The following KIF5C variants were observed in gnomAD, a reference collection of about 807,000 sequenced individuals.
KIF5C encodes kinesin heavy chain isoform 5C.
KIF5C carries 18 observed loss-of-function variants against 125.2 expected under a neutral mutation model. That is an observed-to-expected ratio of 0.14 (90% CI 0.10 to 0.21). The LOEUF (loss-of-function observed/expected upper bound fraction) is 0.21, where lower values mean the gene tolerates loss of function less well. Among genes scored for constraint, KIF5C ranks in the 10% least tolerant of loss-of-function variants. KIF5C has a pLI of 1.00. For synonymous variants in KIF5C, 405 were observed against 434.0 expected (o/e 0.93, Z 0.83); for missense variants, 780 against 1,183.8 (o/e 0.66, Z 5.01).
chr2:148,875,575 G>GGGCCCCCCCCCCCCCCCCCCCC lies in KIF5C; in HGVS notation c.-43_-42insGGCCCCCCCCCCCCCCCCCCCC. The GGGCCCCCCCCCCCCCCCCCCCC allele has an allele frequency of 1.3e-5, 9 of 699,592 alleles. No individual in the cohort carries two copies. The highest frequency in any genetic ancestry group is 3.0e-5 in the East Asian group (1 of 33,464). The allele number at this position is 699,592 out of a possible 1,614,324, so 43.3% of individuals were successfully genotyped here. ...TCCTCCCTCGTCGTTCCCGGCCCCG[G>GGGCCCCCCCCCCCCCCCCCCCC]CCCCCCACCCATCCCCGTGCCCCCT... On this transcript the variant is annotated 5_prime_UTR_variant, in exon 1 of 26. Coordinates refer to ENST00000435030, the MANE Select transcript of KIF5C (RefSeq NM_004522.3).
Position 148,934,727 on chromosome 2 carries a change from C to T in KIF5C, c.292-2557C>T, listed in dbSNP as rs141042005. On this transcript the variant is annotated intron_variant, in intron 3 of 25. Transcript: ENST00000435030. ...TATAGCACATACCTGCACACATTCC[C>T]TACGTCCATCTCACACACATATAAC... 3.2e-3 allele frequency among the ~76,000 whole-genome samples: 489 copies of T among 152,110 alleles called. 1 individual carries two copies. Among genetic ancestry groups the T allele is most frequent in the Non-Finnish European group, 5.3e-3 (363 of 67,994 alleles).
intron 12 of KIF5C, among the ~76,000 whole-genome samples, chr2:148,975,671 C>T (rs1681041962): frequency 6.6e-6 from 1 of 152,196 alleles, no homozygotes; most frequent in Non-Finnish European, 1.5e-5. Context: ...CGCCAGGGCT[C>T]CAAGCACAGG....
intron 1 of KIF5C, among the ~76,000 whole-genome samples, chr2:148,919,026 T>G (rs1193110965): frequency 1.3e-5 from 2 of 152,196 alleles, no homozygotes; most frequent in Non-Finnish European, 2.9e-5. Context: ...TCTGAGTAAC[T>G]AGGTGATTGG....
At chr2:148,959,655 C>T (rs985352549) in intron 10 of KIF5C, among the ~76,000 whole-genome samples, 2 of 152,172 alleles carry the variant, frequency 1.3e-5, no homozygotes, top group Non-Finnish European at 2.9e-5. Flanking sequence ...GCATCTTTAG[C>T]TACTCCTCTG....
At chr2:148,930,177 C>G (rs541608423) in intron 3 of KIF5C, among the ~76,000 whole-genome samples, 1 of 152,284 alleles carries the variant, frequency 6.6e-6, no homozygotes, top group African/African-American at 2.4e-5. Flanking sequence ...ATTTGGCATC[C>G]TTCCTTATTG....
chr2:148,990,675 G>A (rs1263604489), intron 15 of KIF5C, among the ~76,000 whole-genome samples: 1 of 152,206 alleles, frequency 6.6e-6, no homozygotes, highest in East Asian at 1.9e-4. Context: ...GATGTAAGGT[G>A]TAAGACATTG....
intron 1 of KIF5C, among the ~76,000 whole-genome samples, chr2:148,909,647 T>G (rs919183877): frequency 3.9e-5 from 6 of 152,172 alleles, no homozygotes; most frequent in South Asian, 4.1e-4. Context: ...ATTATGCCAG[T>G]GTTCATGAGG....
intron 8 of KIF5C, among the ~76,000 whole-genome samples, chr2:148,948,587 A>G (rs191032890): frequency 1.3e-5 from 2 of 152,268 alleles, no homozygotes; most frequent in East Asian, 3.9e-4. Context: ...TCTTTTGCTC[A>G]CACACACCTG....
chr2:148,884,545 A>T (rs1445502340), intron 1 of KIF5C, among the ~76,000 whole-genome samples: 1 of 152,220 alleles, frequency 6.6e-6, no homozygotes, highest in Non-Finnish European at 1.5e-5. Flanking sequence ...GCAAATGGCC[A>T]ATCTTATTTT....
chr2:148,944,496 A>G (rs1335134656), intron 7 of KIF5C, among the ~76,000 whole-genome samples: 1 of 152,196 alleles, frequency 6.6e-6, no homozygotes, highest in African/African-American at 2.4e-5. Flanking sequence ...GCTGAACAAT[A>G]TTCCATTGTA....
chr2:149,017,647 T>C (rs111687651), intron 25 of KIF5C, among the ~76,000 whole-genome samples: 4 of 152,364 alleles, frequency 2.6e-5, no homozygotes, highest in African/African-American at 7.2e-5. Context: ...AATGGTCTTT[T>C]TTCTTGGTTT....
At chr2:148,931,557 G>A (rs912653168) in intron 3 of KIF5C, among the ~76,000 whole-genome samples, 2 of 152,218 alleles carry the variant, frequency 1.3e-5, no homozygotes, top group African/African-American at 4.8e-5. Flanking sequence ...CAGCTACCCA[G>A]GAGGCTGATG....
Position 148,876,244 on chromosome 2 carries a change from C to T in KIF5C, c.126+501C>T, listed in dbSNP as rs938486991. 1.3e-5 allele frequency among the ~76,000 whole-genome samples: 2 copies of T among 151,978 alleles called. No homozygotes were observed. Among genetic ancestry groups the T allele is most frequent in the African/African-American group, 4.8e-5 (2 of 41,452 alleles). On this transcript the variant is annotated intron_variant, in intron 1 of 25. Coordinates refer to ENST00000435030, the MANE Select transcript of KIF5C (RefSeq NM_004522.3). This position sits in a 1 kb window ranked among gnomAD's most constrained non-coding sequence, Gnocchi z 4.7. Reference sequence around the variant, plus strand: ...GGTACAGGAAAATTTCTAGTCGCGTCTCGGAGCTCCCGCGGCAGTGTAGAC... The same window carrying T: ...GGTACAGGAAAATTTCTAGTCGCGTTTCGGAGCTCCCGCGGCAGTGTAGAC...
intron 1 of KIF5C, among the ~76,000 whole-genome samples, chr2:148,904,602 G>T (rs1574712790): frequency 2.6e-5 from 4 of 152,156 alleles, no homozygotes; most frequent in Non-Finnish European, 5.9e-5. Context: ...CTGGGCTCCA[G>T]CTTGGATGGA....
chr2:149,000,094 A>G (rs774886391), intron 19 of KIF5C: 14 of 221,644 alleles, frequency 6.3e-5, no homozygotes, highest in Admixed American at 5.6e-4. Flanking sequence ...GGGGCCGAGG[A>G]AGCAGAGTTC....
At chr2:148,972,140 A>T (rs960903983) in intron 11 of KIF5C, among the ~76,000 whole-genome samples, 28 of 152,214 alleles carry the variant, frequency 1.8e-4, no homozygotes, top group African/African-American at 6.5e-4. Flanking sequence ...TTTAGTAGAG[A>T]TGGTATTTCA....
At chr2:148,957,136 C>T (rs1312850048) in intron 10 of KIF5C, among the ~76,000 whole-genome samples, 2 of 152,146 alleles carry the variant, frequency 1.3e-5, no homozygotes, top group Non-Finnish European at 1.5e-5. Context: ...TTTGTGTCTC[C>T]CTGTAAGCTA....
rs112107052 is a variant in KIF5C, at chr2:149,011,710, T to G, written c.*7+27T>G. 1.3e-5 allele frequency: 21 copies of G among 1,613,658 alleles called. No individual in the cohort carries two copies. In the African/African-American group the frequency reaches 1.6e-4, roughly 12 times the overall value. On this transcript the variant is annotated intron_variant, in intron 25 of 25. Transcript: ENST00000435030. ...TGAGTCCCATGTCAAGGGTGGTTTC[T>G]CTATCTGGAGGCAGAGGCTTCTTGC... is the stretch of plus-strand genomic sequence containing the variant.
intron 6 of KIF5C, among the ~76,000 whole-genome samples, chr2:148,942,217 T>C (rs542202861): frequency 3.3e-5 from 5 of 152,376 alleles, no homozygotes; most frequent in East Asian, 3.9e-4. Flanking sequence ...TAAAGAGATT[T>C]TGATATTGAG....
Sources: allele counts gnomAD v4.1 joint callset (sites outside exome capture counted in the v4.1 genomes callset), GRCh38; gene constraint gnomAD v4.1.1; non-coding constraint Gnocchi (gnomAD v3.1); transcripts MANE v1.5; gene names NCBI Gene and HGNC (gene_info 2026-07-23, HGNC 2026-07-21).